GRIP1: variants seen among roughly 807,000 people sequenced by gnomAD.
GRIP1 encodes the protein glutamate receptor-interacting protein 1.
Under a neutral mutation model 129.9 loss-of-function variants are expected in GRIP1, and 45 were observed. The observed-to-expected ratio is 0.35, with a 90% confidence interval of 0.27 to 0.44. GRIP1 has a LOEUF of 0.44. Ranked by LOEUF, GRIP1 falls within the 20% of genes least tolerant of loss-of-function variation. GRIP1 has a pLI of 1.00. For synonymous variants in GRIP1, 530 were observed against 520.8 expected (o/e 1.02, Z -0.24); for missense variants, 1,196 against 1,396.8 (o/e 0.86, Z 2.29).
chr12:66,541,668 G>A (rs1346673424), intron 3 of GRIP1, 147 bp downstream of exon 3: 10 of 838,806 alleles, frequency 1.2e-5, no homozygotes, highest in Non-Finnish European at 1.0e-5. Flanking sequence ...CTTCTGAAAC[G>A]TGCCCCACTG....
intron 1 of GRIP1, among the ~76,000 whole-genome samples, chr12:66,880,558 CTTTA>C: frequency 6.6e-6 from 1 of 152,118 alleles, no homozygotes; most frequent in African/African-American, 2.4e-5. Flanking sequence ...GTGATGGACT[CTTTA>C]TTTATTTTAA....
intron 1 of GRIP1, among the ~76,000 whole-genome samples, chr12:66,831,013 A>AT (rs1250743931): frequency 6.6e-6 from 1 of 151,592 alleles, no homozygotes; most frequent in Non-Finnish European, 1.5e-5. Flanking sequence ...CACTTGGGTA[A>AT]TTTTTTTATT....
At chr12:66,681,109 GT>G (rs2034566561), upstream of GRIP1, among the ~76,000 whole-genome samples, 1 of 152,082 alleles carries the variant, frequency 6.6e-6, no homozygotes. Flanking sequence ...CTAGGGGATT[GT>G]TTTTTCTCTC....
intron 1 of GRIP1, among the ~76,000 whole-genome samples, chr12:66,866,616 G>A (rs2040209520): frequency 6.6e-6 from 1 of 152,162 alleles, no homozygotes; most frequent in Non-Finnish European, 1.5e-5. Context: ...AACTTAGAGT[G>A]TAATTGGGTT....
intron 1 of GRIP1, among the ~76,000 whole-genome samples, chr12:67,006,541 C>T (rs925733450): frequency 6.6e-6 from 1 of 152,150 alleles, no homozygotes; most frequent in African/African-American, 2.4e-5. Flanking sequence ...GAGCTGTGAT[C>T]ATGCCACTGC....
At chr12:66,373,856 T>A (rs778608806) in intron 22 of GRIP1, among the ~76,000 whole-genome samples, 3 of 152,170 alleles carry the variant, frequency 2.0e-5, no homozygotes, top group Non-Finnish European at 4.4e-5. Context: ...TTACCATACA[T>A]CCTCATTTCA....
chr12:66,717,594 A>T (rs1228355633), intron 1 of GRIP1, among the ~76,000 whole-genome samples: 2 of 152,138 alleles, frequency 1.3e-5, no homozygotes, highest in African/African-American at 2.4e-5. Context: ...TGCCAAAGTG[A>T]TTTCTATTAG....
intron 1 of GRIP1, among the ~76,000 whole-genome samples, chr12:66,866,343 C>T (rs536324013): frequency 2.6e-5 from 4 of 152,054 alleles, no homozygotes; most frequent in Admixed American, 6.6e-5. Flanking sequence ...TGTAGTGGTG[C>T]ATGCCTGTAG....
At chr12:67,050,748 G>T (rs2043331446) in intron 1 of GRIP1, among the ~76,000 whole-genome samples, 1 of 152,084 alleles carries the variant, frequency 6.6e-6, no homozygotes, top group Non-Finnish European at 1.5e-5. Context: ...TGCTCCAGTA[G>T]CAAAGGTGTC....
upstream of GRIP1, among the ~76,000 whole-genome samples, chr12:66,804,421 A>C (rs1166758467): frequency 6.6e-6 from 1 of 152,194 alleles, no homozygotes; most frequent in Non-Finnish European, 1.5e-5. Context: ...ATAAACTGTC[A>C]AATCTGTAAT....
chr12:66,958,810 T>G (rs2137525066), intron 1 of GRIP1, among the ~76,000 whole-genome samples: 1 of 152,290 alleles, frequency 6.6e-6, no homozygotes, highest in South Asian at 2.1e-4. Context: ...GGTTATTTCC[T>G]TAGGATAAAT....
intron 1 of GRIP1, among the ~76,000 whole-genome samples, chr12:66,764,009 C>G (rs971996075): frequency 2.0e-5 from 3 of 152,200 alleles, no homozygotes; most frequent in Non-Finnish European, 4.4e-5. Context: ...TGTCCATACT[C>G]TAAGTGCCAA....
chr12:66,951,345 G>A (rs2041753656), intron 1 of GRIP1, among the ~76,000 whole-genome samples: 1 of 152,142 alleles, frequency 6.6e-6, no homozygotes, highest in South Asian at 2.1e-4. Flanking sequence ...GTATGGGCTG[G>A]GGAATGAGAA....
intron 1 of GRIP1, among the ~76,000 whole-genome samples, chr12:66,992,074 A>G (rs371967091): frequency 1.8e-4 from 28 of 152,244 alleles, no homozygotes; most frequent in African/African-American, 5.8e-4. Flanking sequence ...TAATAGGCAT[A>G]GATTGCACTC....
At chr12:66,808,129 A>G (rs1444384927), upstream of GRIP1, among the ~76,000 whole-genome samples, 1 of 151,892 alleles carries the variant, frequency 6.6e-6, no homozygotes, top group Non-Finnish European at 1.5e-5. Flanking sequence ...TTCACTCCAT[A>G]CCACAAACTC....
At chr12:66,624,630 A>G (rs2065408934) in intron 1 of GRIP1, among the ~76,000 whole-genome samples, 1 of 152,168 alleles carries the variant, frequency 6.6e-6, no homozygotes, top group Non-Finnish European at 1.5e-5. Flanking sequence ...AGGCTGATGG[A>G]TAATAGCATA....
intron 24 of GRIP1, among the ~76,000 whole-genome samples, chr12:66,350,754 C>G (rs1478843856): frequency 6.6e-6 from 1 of 152,154 alleles, no homozygotes; most frequent in Non-Finnish European, 1.5e-5. Context: ...CTTATCTTAC[C>G]TACCCCTACC....
At chr12:66,463,155 T>C (rs2138327176) in intron 8 of GRIP1, 62 bp from the exon 9 acceptor site, 1 of 1,311,724 alleles carries the variant, frequency 7.6e-7, no homozygotes. Context: ...CTGACTTTCA[T>C]GTCCTTCATA....
At chr12:66,550,922 G>A (rs1043649699) in intron 2 of GRIP1, among the ~76,000 whole-genome samples, 1 of 152,136 alleles carries the variant, frequency 6.6e-6, no homozygotes, top group Non-Finnish European at 1.5e-5. Context: ...AGGATATCTC[G>A]GAATCACACT....
Sources: gnomAD v4.1 joint callset for allele counts (sites outside exome capture counted in the v4.1 genomes callset) on GRCh38, gnomAD v4.1.1 for gene constraint, MANE v1.5 for transcripts, NCBI Gene and HGNC (gene_info 2026-07-23, HGNC 2026-07-21) for gene names.